Variants in NTM observed in about 807,000 individuals in gnomAD.
The protein encoded by NTM is IgLON family member 2.
Under a neutral mutation model 42.1 loss-of-function variants are expected in NTM, and 13 were observed. That is an observed-to-expected ratio of 0.31 (90% CI 0.20 to 0.49). NTM has a LOEUF of 0.49. NTM is among the 20% of genes least tolerant of loss of function. NTM has a pLI of 0.99. For synonymous variants in NTM, 187 were observed against 179.2 expected, an observed-to-expected ratio of 1.04 and a Z score of -0.35; for missense variants, 373 against 452.8, an observed-to-expected ratio of 0.82 and a Z score of 1.60.
chr11:131,640,000 TA>T (rs142666446), intron 1 of NTM, among the ~76,000 whole-genome samples: 7,773 of 150,246 alleles, frequency 0.052, 653 homozygotes, highest in African/African-American at 0.18. Context: ...AATAAATAAA[TA>T]AAAAAAAAGT....
At chr11:131,994,584 G>A (rs1186785687) in intron 2 of NTM, among the ~76,000 whole-genome samples, 1 of 152,212 alleles carries the variant, frequency 6.6e-6, no homozygotes, top group Non-Finnish European at 1.5e-5. Flanking sequence ...GTTGAGGGAA[G>A]CAACTTCTTG....
At chr11:131,875,207 A>C (rs1394580025) in intron 1 of NTM, among the ~76,000 whole-genome samples, 8 of 152,228 alleles carry the variant, frequency 5.3e-5, no homozygotes, top group African/African-American at 1.2e-4. Flanking sequence ...TTAATCAAAA[A>C]ATTCTGGTTT....
chr11:132,170,282 A>T (rs996820635), intron 3 of NTM, among the ~76,000 whole-genome samples: 1 of 152,204 alleles, frequency 6.6e-6, no homozygotes, highest in Admixed American at 6.5e-5. Context: ...GGGATTCCAG[A>T]TCATAGATCT....
intron 8 of NTM, among the ~76,000 whole-genome samples, chr11:132,331,133 T>TGAA (rs757532894): frequency 2.0e-4 from 30 of 152,160 alleles, no homozygotes; most frequent in Non-Finnish European, 3.7e-4. Context: ...CTTTATTCTC[T>TGAA]GAAGATGCAT....
chr11:131,878,004 T>G (rs1238170651), intron 1 of NTM: 2 of 152,244 alleles, frequency 1.3e-5, no homozygotes, highest in African/African-American at 4.8e-5. Flanking sequence ...TATTTGTAGA[T>G]GAATTCCTTT....
At chr11:131,987,003 G>A (rs1465604576) in intron 2 of NTM, among the ~76,000 whole-genome samples, 1 of 152,146 alleles carries the variant, frequency 6.6e-6, no homozygotes, top group Non-Finnish European at 1.5e-5. Flanking sequence ...GGAAAGAAGG[G>A]AGAAATGGTT....
At chr11:131,751,241 C>T (rs1341849143) in intron 1 of NTM, among the ~76,000 whole-genome samples, 3 of 152,058 alleles carry the variant, frequency 2.0e-5, no homozygotes, top group Admixed American at 6.5e-5. Context: ...TGAGACCATC[C>T]TGGCCAACAT....
At chr11:131,702,937 A>G (rs922190718) in intron 1 of NTM, among the ~76,000 whole-genome samples, 42 of 152,234 alleles carry the variant, frequency 2.8e-4, no homozygotes, top group Non-Finnish European at 8.8e-5. Flanking sequence ...CTCTTATACA[A>G]TATAGGATTT....
intron 1 of NTM, among the ~76,000 whole-genome samples, chr11:131,758,575 TC>T (rs1004726634): frequency 1.5e-4 from 23 of 151,964 alleles, no homozygotes; most frequent in African/African-American, 4.8e-4. Context: ...CTTCCTTCCT[TC>T]CTTTTTTTCT....
intron 1 of NTM, among the ~76,000 whole-genome samples, chr11:131,772,937 TAGAC>T (rs1369345991): frequency 2.6e-5 from 4 of 152,214 alleles, no homozygotes; most frequent in South Asian, 2.1e-4. Flanking sequence ...AGACATTTTT[TAGAC>T]AGACAAAGAG....
intron 1 of NTM, among the ~76,000 whole-genome samples, chr11:131,878,529 C>T (rs537649620): frequency 4.3e-4 from 58 of 134,800 alleles, no homozygotes; most frequent in African/African-American, 1.3e-3. Context: ...GAGATGGCAC[C>T]GCTGCACTCC....
intron 6 of NTM, among the ~76,000 whole-genome samples, chr11:132,311,635 T>C (rs1451978020): frequency 2.0e-5 from 3 of 152,206 alleles, no homozygotes; most frequent in African/African-American, 4.8e-5. Context: ...AAATTAATTA[T>C]TGAACCAAAC....
At chr11:132,259,679 C>CA (rs1472680896) in intron 4 of NTM, among the ~76,000 whole-genome samples, 1 of 151,910 alleles carries the variant, frequency 6.6e-6, no homozygotes, top group Non-Finnish European at 1.5e-5. Context: ...GACTCCATCT[C>CA]AAAAAACAAG....
chr11:131,670,387 CTTT>C (rs796302763), intron 1 of NTM, among the ~76,000 whole-genome samples: 1 of 151,646 alleles, frequency 6.6e-6, no homozygotes, highest in African/African-American at 2.4e-5. Flanking sequence ...TCCTTTCTTT[CTTT>C]TTCTTTCTTT....
chr11:131,665,628 C>A (rs1304579608), intron 1 of NTM, among the ~76,000 whole-genome samples: 2 of 152,184 alleles, frequency 1.3e-5, no homozygotes, highest in African/African-American at 2.4e-5. Context: ...GAACTTCTAA[C>A]CTGCAGAGTG....
intron 7 of NTM, among the ~76,000 whole-genome samples, chr11:132,322,287 T>A (rs1174876581): frequency 6.6e-6 from 1 of 151,920 alleles, no homozygotes; most frequent in Non-Finnish European, 1.5e-5. Flanking sequence ...GAAACCCATC[T>A]CATGTGCAGA....
chr11:132,111,136 T>C (rs899744034), intron 2 of NTM, among the ~76,000 whole-genome samples: 1 of 122,164 alleles, frequency 8.2e-6, no homozygotes, highest in Non-Finnish European at 1.7e-5. Context: ...AAAACTATGG[T>C]CCAAAGTTTA....
chr11:131,747,595 C>T (rs1402658618), intron 1 of NTM, among the ~76,000 whole-genome samples: 3 of 150,202 alleles, frequency 2.0e-5, no homozygotes, highest in Non-Finnish European at 4.4e-5. Flanking sequence ...CAAAATAAAC[C>T]ATGTTGCTTC....
At chr11:131,900,677 G>A (rs2053021527) in intron 1 of NTM, among the ~76,000 whole-genome samples, 1 of 152,016 alleles carries the variant, frequency 6.6e-6, no homozygotes, top group Admixed American at 6.5e-5. Context: ...GAAAGAGAGA[G>A]AGAGAGATTG....
Sources: gnomAD v4.1 joint callset for allele counts (sites outside exome capture counted in the v4.1 genomes callset) on GRCh38, gnomAD v4.1.1 for gene constraint, MANE v1.5 for transcripts, NCBI Gene and HGNC (gene_info 2026-07-23, HGNC 2026-07-21) for gene names.